KLRG1: variants seen among roughly 807,000 people sequenced by gnomAD.
KLRG1 encodes the protein killer cell lectin like receptor G1.
Under a neutral mutation model 21.8 loss-of-function variants are expected in KLRG1, and 16 were observed. That is an observed-to-expected ratio of 0.73 (90% CI 0.50 to 1.11). The LOEUF is 1.11. Among genes scored for constraint, KLRG1 ranks in the 50% most tolerant of loss-of-function variants. The pLI is 0.00. For synonymous variants in KLRG1, 69 were observed against 75.9 expected, an observed-to-expected ratio of 0.91 and a Z score of 0.47; for missense variants, 173 against 218.3, an observed-to-expected ratio of 0.79 and a Z score of 1.31.
chr12:9,107,257 G>A, the KLRG1 span, among the ~76,000 whole-genome samples: 2 of 152,088 alleles, frequency 1.3e-5, no homozygotes, highest in African/African-American at 4.8e-5. Context: ...GAGGTGTATG[G>A]TTTTTTCCTT....
At chr12:8,991,369 A>G (rs1456092427) in intron 1 of KLRG1, among the ~76,000 whole-genome samples, 1 of 152,194 alleles carries the variant, frequency 6.6e-6, no homozygotes, top group African/African-American at 2.4e-5. Flanking sequence ...TCTTTTAATA[A>G]CGACAGTTTA....
At chr12:8,993,700 T>C (rs1947047326) in intron 2 of KLRG1, among the ~76,000 whole-genome samples, 1 of 151,930 alleles carries the variant, frequency 6.6e-6, no homozygotes, top group South Asian at 2.1e-4. Flanking sequence ...CCAGGCTGAG[T>C]AATGTCACAG....
At chr12:9,182,235 T>C in the KLRG1 span, 1 of 946,598 alleles carries the variant, frequency 1.1e-6, no homozygotes, top group Non-Finnish European at 1.5e-6. Context: ...GTCCATTCAT[T>C]CTAATGGCTT....
At chr12:9,106,176 A>G in the KLRG1 span, 9 of 976,454 alleles carry the variant, frequency 9.2e-6, no homozygotes, top group Non-Finnish European at 1.3e-5. Context: ...ACAAACCATA[A>G]CTATTGTGCT....
At chr12:9,050,632 C>T in the KLRG1 span, among the ~76,000 whole-genome samples, 2 of 152,022 alleles carry the variant, frequency 1.3e-5, no homozygotes, top group Non-Finnish European at 2.9e-5. Context: ...CGGAGGGGGC[C>T]GGGAGTAGGC....
At chr12:9,054,259 T>G in the KLRG1 span, among the ~76,000 whole-genome samples, 1 of 152,212 alleles carries the variant, frequency 6.6e-6, no homozygotes, top group Non-Finnish European at 1.5e-5. Context: ...ATGTTTTGGG[T>G]CTTCATTTAG....
chr12:8,956,710 G>T (rs1015098785), intron 1 of KLRG1, among the ~76,000 whole-genome samples: 4 of 152,224 alleles, frequency 2.6e-5, no homozygotes, highest in African/African-American at 9.6e-5. Flanking sequence ...GGCTCCCAAA[G>T]TGTGGGGATT....
At chr12:9,191,486 A>T in the KLRG1 span, among the ~76,000 whole-genome samples, 1 of 152,102 alleles carries the variant, frequency 6.6e-6, no homozygotes, top group South Asian at 2.1e-4. Context: ...CAAAACTGAA[A>T]AATAAAAATT....
At chr12:9,004,210 A>T (rs1050784557) in intron 3 of KLRG1, among the ~76,000 whole-genome samples, 3 of 152,184 alleles carry the variant, frequency 2.0e-5, no homozygotes, top group African/African-American at 7.2e-5. Context: ...GTCCTTTGGG[A>T]ATATACCCAG....
chr12:9,206,638 A>G, the KLRG1 span, among the ~76,000 whole-genome samples: 3 of 152,082 alleles, frequency 2.0e-5, no homozygotes, highest in Non-Finnish European at 4.4e-5. Context: ...GAGAATGGCT[A>G]TTGGTTCTCT....
At chr12:9,061,882 T>C in the KLRG1 span, among the ~76,000 whole-genome samples, 1 of 152,108 alleles carries the variant, frequency 6.6e-6, no homozygotes, top group Non-Finnish European at 1.5e-5. Context: ...ATAGCTAATA[T>C]TTTCGTAGCT....
the KLRG1 span, chr12:9,153,428 T>C: frequency 9.0e-7 from 1 of 1,116,426 alleles, no homozygotes; most frequent in African/African-American, 1.6e-5. Flanking sequence ...TAGCCTACCA[T>C]GAGGGAAGCT....
At chr12:8,957,545 TTTG>T (rs1320089653) in intron 1 of KLRG1, among the ~76,000 whole-genome samples, 1 of 152,134 alleles carries the variant, frequency 6.6e-6, no homozygotes, top group African/African-American at 2.4e-5. Context: ...TTTTTTGTTT[TTTG>T]TTTTTTTTTA....
chr12:9,079,935 CAGGGA>C, the KLRG1 span: 2 of 1,096,592 alleles, frequency 1.8e-6, no homozygotes, highest in Non-Finnish European at 2.5e-6. Context: ...ATGATTCTTC[CAGGGA>C]TAGAAGTATG....
At chr12:9,104,264 A>G in the KLRG1 span, 1 of 1,612,650 alleles carries the variant, frequency 6.2e-7, no homozygotes, top group South Asian at 1.1e-5. Flanking sequence ...GGTACCCATA[A>G]CATTGGTGGT....
At chr12:8,991,790 G>A (rs1946976968) in intron 1 of KLRG1, among the ~76,000 whole-genome samples, 2 of 152,202 alleles carry the variant, frequency 1.3e-5, no homozygotes, top group South Asian at 4.1e-4. Flanking sequence ...TTGCTGCCAC[G>A]AATAAATATG....
At chr12:9,189,689 ATAGAG>A in the KLRG1 span, among the ~76,000 whole-genome samples, 1 of 152,186 alleles carries the variant, frequency 6.6e-6, no homozygotes, top group African/African-American at 2.4e-5. Context: ...GAAACTATCA[ATAGAG>A]TAAACAGACA....
the KLRG1 span, among the ~76,000 whole-genome samples, chr12:9,029,531 C>T: frequency 6.6e-6 from 1 of 152,234 alleles, no homozygotes; most frequent in South Asian, 2.1e-4. Flanking sequence ...ACTACAGTCA[C>T]CTTGTTGCAC....
At chr12:9,060,003 T>C in the KLRG1 span, among the ~76,000 whole-genome samples, 15 of 131,436 alleles carry the variant, frequency 1.1e-4, no homozygotes, top group Non-Finnish European at 2.1e-4. Flanking sequence ...CATCTTTTTT[T>C]TTTTTTTTTT....
Sources: allele counts gnomAD v4.1 joint callset (sites outside exome capture counted in the v4.1 genomes callset), GRCh38; gene constraint gnomAD v4.1.1; transcripts MANE v1.5; gene names NCBI Gene and HGNC (gene_info 2026-07-23, HGNC 2026-07-21).